The following PON3 variants were observed in gnomAD, a reference collection of about 807,000 sequenced individuals.
The protein encoded by PON3 is serum paraoxonase/lactonase 3.
In PON3, 37 loss-of-function variants were observed where a neutral mutation model predicts 36.3. The observed-to-expected ratio is 1.02, with a 90% CI of 0.78 to 1.34. The LOEUF (loss-of-function observed/expected upper bound fraction) is 1.34, where lower values mean the gene tolerates loss of function less well. Among genes scored for constraint, PON3 ranks in the 40% most tolerant of loss-of-function variants. PON3 has a pLI of 0.00. For synonymous variants in PON3, 155 were observed against 154.8 expected (o/e 1.00, Z -0.01); for missense variants, 415 against 426.5 (o/e 0.97, Z 0.24).
chr7:95,387,587 C>T (rs144572997), intron 3 of PON3, among the ~76,000 whole-genome samples: 2 of 152,262 alleles, frequency 1.3e-5, no homozygotes, highest in East Asian at 3.9e-4. Context: ...GTGTCATCCC[C>T]ATCAAGCTAC....
chr7:95,372,754 CA>C (rs1409718709), intron 3 of PON3, among the ~76,000 whole-genome samples: 4 of 152,130 alleles, frequency 2.6e-5, no homozygotes, highest in Non-Finnish European at 5.9e-5. Context: ...TTCCTCAAAG[CA>C]GAGAGAAGGG....
rs17878647 is a variant in PON3, at chr7:95,394,309, CA to C, written c.145+334del. On this transcript the variant is annotated intron_variant, in intron 2 of 8. Transcript: ENST00000265627. ...AGGGAGGAAGGAAAGAAGAAAGAAG[CA>C]AAAAAAGGAAAGGTAACAGAGGACA... is the stretch of plus-strand genomic sequence containing the variant. Among the ~76,000 whole-genome samples, 610 of 150,926 alleles carry C rather than the reference CA, an allele frequency of 4.0e-3. 6 individuals carry two copies. Among genetic ancestry groups the C allele is most frequent in the African/African-American group, 0.014 (567 of 41,044 alleles).
chr7:95,375,332 G>A (rs1808892445), intron 3 of PON3, among the ~76,000 whole-genome samples: 1 of 149,128 alleles, frequency 6.7e-6, no homozygotes, highest in Admixed American at 6.7e-5. Context: ...GTGTATATAT[G>A]TATGTATATA....
At chr7:95,394,985 G>T (rs933852321) in intron 1 of PON3, among the ~76,000 whole-genome samples, 5 of 152,068 alleles carry the variant, frequency 3.3e-5, no homozygotes, top group Non-Finnish European at 7.4e-5. Context: ...CCAAATAAAA[G>T]ACACTATTTA....
At chr7:95,383,347 C>G (rs891762018) in intron 3 of PON3, among the ~76,000 whole-genome samples, 38 of 152,182 alleles carry the variant, frequency 2.5e-4, no homozygotes, top group African/African-American at 8.9e-4. Context: ...TGGAAGTTCT[C>G]GCCAAGGCAA....
At chr7:95,389,231 T>C (rs1432410969) in intron 3 of PON3, among the ~76,000 whole-genome samples, 2 of 152,198 alleles carry the variant, frequency 1.3e-5, no homozygotes, top group East Asian at 3.8e-4. Flanking sequence ...GTTCCAGCAG[T>C]GACACCAGCA....
At chr7:95,370,256 G>A (rs1680329660) in intron 4 of PON3, among the ~76,000 whole-genome samples, 1 of 152,176 alleles carries the variant, frequency 6.6e-6, no homozygotes, top group African/African-American at 2.4e-5. Context: ...GTATGAGAAG[G>A]AAGGTACAGT....
Position 95,372,308 on chromosome 7 carries a change from C to A in PON3, c.232G>T (p.Ala78Ser), listed in dbSNP as rs370437763. 4 of 1,613,758 alleles carry A rather than the reference C, an allele frequency of 2.5e-6. No individual in the cohort carries two copies. The African/African-American group carries it at 5.3e-5, about 22-fold the overall frequency. ...GLKYPGMPNF[A>S]PDEPGKIFLM... ...AAGATTTTTCCTGGTTCATCTGGCG[C>A]AAAGTTTGGCATGCCTGGATATTTT... The change falls in exon 4 of 9, where the codon GCG (alanine) becomes TCG (serine). Residue 78 changes from alanine (A) to serine (S), a missense_variant. Ala to Ser is a moderately conservative substitution (Grantham distance 99). Transcript: ENST00000265627.
rs1809010010 is a variant in PON3, at chr7:95,379,993, T to A, written c.202-7655A>T. 2.0e-5 allele frequency among the ~76,000 whole-genome samples: 3 copies of A among 152,182 alleles called. No homozygotes were observed. The East Asian group carries it at 5.8e-4, about 29-fold the overall frequency. Reference sequence around the variant, plus strand: ...GACACCTCACATGGCCAGGTACCCCTCTGAGACGAAACCTCCAGAGGAACA... The same window carrying A: ...GACACCTCACATGGCCAGGTACCCCACTGAGACGAAACCTCCAGAGGAACA... On this transcript the variant is annotated intron_variant, in intron 3 of 8. Coordinates refer to ENST00000265627, the MANE Select transcript of PON3 (RefSeq NM_000940.3).
intron 4 of PON3, among the ~76,000 whole-genome samples, chr7:95,371,785 T>G (rs1808812335): frequency 6.6e-6 from 1 of 152,178 alleles, no homozygotes; most frequent in Non-Finnish European, 1.5e-5. Context: ...CACAAAAGCT[T>G]TTAACTTTGA....
chr7:95,362,473 G>T lies in PON3; in HGVS notation c.795C>A (p.Thr265=). The part of the protein sequence containing the change: ...LTQLKVIQLG[T]LVDNLTVDPA... ...GATCGACAGTCAGGTTATCCACTAA[G>T]GTGCCCAACTGTATCACCTTACAAC... Residue 265 remains threonine, a synonymous_variant, in exon 8 of 9, where the codon ACC becomes ACA. Coordinates refer to ENST00000265627, the MANE Select transcript of PON3 (RefSeq NM_000940.3). 2 of 1,613,748 alleles carry T rather than the reference G, an allele frequency of 1.2e-6. No individual in the cohort carries two copies. Among genetic ancestry groups the T allele is most frequent in the East Asian group, 4.5e-5 (2 of 44,874 alleles).
chr7:95,378,155 T>A (rs1808962924), intron 3 of PON3, among the ~76,000 whole-genome samples: 1 of 151,912 alleles, frequency 6.6e-6, no homozygotes, highest in Admixed American at 6.6e-5. Context: ...AGAAAGGATA[T>A]CAGTGATTGA....
chr7:95,360,015 G>A lies in PON3; in HGVS notation c.1023C>T (p.Leu341=), dbSNP rs1808529276. The change falls in exon 9 of 9, where the codon CTC becomes CTT. Residue 341 remains leucine (L), a synonymous_variant. Transcript: ENST00000265627. ...GAGTTTTGTGAAATACGGTGCCTATGAGAATTTTCCCATGGTACACAGAAG... is the reference window on the plus strand; with the variant it reads ...GAGTTTTGTGAAATACGGTGCCTATAAGAATTTTCCCATGGTACACAGAAG... ...SVASVYHGKI[L]IGTVFHKTLY... is the part of the protein sequence containing the mutation. 2 of 1,611,880 alleles carry A rather than the reference G, an allele frequency of 1.2e-6. No homozygotes were observed. Among genetic ancestry groups the A allele is most frequent in the Non-Finnish European group, 8.5e-7 (1 of 1,179,496 alleles).
intron 3 of PON3, among the ~76,000 whole-genome samples, chr7:95,383,456 ATTGTC>A (rs1809111953): frequency 6.6e-6 from 1 of 152,220 alleles, no homozygotes; most frequent in South Asian, 2.1e-4. Context: ...AGAAAACCCC[ATTGTC>A]TCAGCCCAAA....
At chr7:95,381,055 A>C (rs4470943) in intron 3 of PON3, among the ~76,000 whole-genome samples, 128,596 of 152,120 alleles carry the variant, frequency 0.85, 54,818 homozygotes, top group South Asian at 0.92. Flanking sequence ...ATTCAACGAT[A>C]TTAAAGAAAA....
At chr7:95,394,601 C>T in intron 2 of PON3, 43 bp downstream of exon 2, 1 of 1,565,918 alleles carries the variant, frequency 6.4e-7, no homozygotes, top group Non-Finnish European at 8.8e-7. Flanking sequence ...GGATGACGAC[C>T]AAGAAGCTGT....
At chr7:95,392,259 C>T (rs532349306) in intron 2 of PON3, among the ~76,000 whole-genome samples, 1 of 152,330 alleles carries the variant, frequency 6.6e-6, no homozygotes, top group South Asian at 2.1e-4. Context: ...TGAGAAGTAA[C>T]ATGGCATTTC....
intron 4 of PON3, among the ~76,000 whole-genome samples, chr7:95,370,833 C>G (rs1343938208): frequency 6.6e-6 from 1 of 152,172 alleles, no homozygotes; most frequent in African/African-American, 2.4e-5. Context: ...TGAATTCAGA[C>G]TTTTAAAATG....
chr7:95,381,934 T>C (rs988130994), intron 3 of PON3, among the ~76,000 whole-genome samples: 1 of 152,178 alleles, frequency 6.6e-6, no homozygotes, highest in Non-Finnish European at 1.5e-5. Context: ...TATTTCAAAA[T>C]TGACCACATA....
Sources: allele counts gnomAD v4.1 joint callset (sites outside exome capture counted in the v4.1 genomes callset), GRCh38; gene constraint gnomAD v4.1.1; transcripts MANE v1.5; gene names NCBI Gene and HGNC (gene_info 2026-07-23, HGNC 2026-07-21).